Variants in TFCP2 observed in about 807,000 individuals in gnomAD.
The protein encoded by TFCP2 is transcription factor CP2.
Under a neutral mutation model 73.4 loss-of-function variants are expected in TFCP2, and 33 were observed. That is an observed-to-expected ratio of 0.45 (90% CI 0.34 to 0.60). TFCP2 has a LOEUF of 0.60. Among genes scored for constraint, TFCP2 ranks in the 20% least tolerant of loss-of-function variants. TFCP2 has a pLI of 0.01. For synonymous variants in TFCP2, 193 were observed against 211.6 expected (o/e 0.91, Z 0.76); for missense variants, 352 against 604.0 (o/e 0.58, Z 4.37).
Position 51,172,583 on chromosome 12 carries a change from A to G in TFCP2, c.-161T>C. 1.1e-6 allele frequency: 1 copy of G among 871,210 alleles called. No individual in the cohort carries two copies. The highest frequency in any genetic ancestry group is 1.7e-6 in the Non-Finnish European group (1 of 582,276). The allele number at this position is 871,210 out of a possible 1,614,324, so 54.0% of individuals were successfully genotyped here. A position where few individuals can be genotyped will look rare whatever the true frequency, so the allele number is the denominator to read the frequency against. ...AAGCCCGACCAGCACTGCTCTGTGC[A>G]CAACTAATCTCCCGTACCCTTGGCT... On this transcript the variant is annotated 5_prime_UTR_variant, in exon 1 of 15. Coordinates refer to ENST00000257915, the MANE Select transcript of TFCP2 (RefSeq NM_005653.5).
chr12:51,100,117 G>A (rs1444574203), intron 11 of TFCP2, among the ~76,000 whole-genome samples: 1 of 152,120 alleles, frequency 6.6e-6, no homozygotes, highest in Non-Finnish European at 1.5e-5. Context: ...CTATACCCCA[G>A]TCTTGACTGC....
At chr12:51,140,445 C>CTTTT (rs768526922) in intron 1 of TFCP2, among the ~76,000 whole-genome samples, 813 of 88,008 alleles carry the variant, frequency 9.2e-3, no homozygotes, top group Non-Finnish European at 0.011. Flanking sequence ...TTTTCTTTTT[C>CTTTT]TTTTTTTTTT....
At chr12:51,123,022 G>A (rs1456951667) in intron 1 of TFCP2, among the ~76,000 whole-genome samples, 1 of 152,086 alleles carries the variant, frequency 6.6e-6, no homozygotes, top group East Asian at 1.9e-4. Context: ...AATGTAGGGT[G>A]GTTATTTTTT....
At chr12:51,103,574 C>T in intron 10 of TFCP2, 96 bp downstream of exon 10, 1 of 843,306 alleles carries the variant, frequency 1.2e-6, no homozygotes, top group South Asian at 1.6e-5. Flanking sequence ...CTCTCATACA[C>T]ATATACACAC....
intron 1 of TFCP2, among the ~76,000 whole-genome samples, chr12:51,121,558 C>G (rs568200354): frequency 1.3e-5 from 2 of 150,674 alleles, no homozygotes; most frequent in African/African-American, 2.4e-5. Flanking sequence ...CTCCACCTCC[C>G]GGGTTCAAGT....
At chr12:51,129,624 A>G (rs1345840169) in intron 1 of TFCP2, among the ~76,000 whole-genome samples, 1 of 152,028 alleles carries the variant, frequency 6.6e-6, no homozygotes, top group Non-Finnish European at 1.5e-5. Flanking sequence ...GCTGAAGCAA[A>G]GAAGTCTTTT....
intron 1 of TFCP2, among the ~76,000 whole-genome samples, chr12:51,167,183 T>C (rs1941773287): frequency 6.6e-6 from 1 of 152,138 alleles, no homozygotes. Context: ...AAAAAAAGAA[T>C]AATAAAAGGA....
Position 51,099,660 on chromosome 12 carries a change from A to T in TFCP2, c.1271T>A (p.Phe424Tyr). 1 of 1,614,182 alleles carries T rather than the reference A, an allele frequency of 6.2e-7. No homozygotes were observed. Reference sequence around the variant, plus strand: ...GTGTGTCCAGAACAACCTACCGAAGAAAGTACCATTTGAGTCTCCATCCTC... The same window carrying T: ...GTGTGTCCAGAACAACCTACCGAAGTAAGTACCATTTGAGTCTCCATCCTC... Reference protein sequence around the residue: ...KHEDGDSNGTFFVYHAIYLEE... With the variant: ...KHEDGDSNGTYFVYHAIYLEE... Residue 424 changes from phenylalanine to tyrosine, a missense_variant, in exon 12 of 15, where the codon TTC becomes TAC. Coordinates refer to ENST00000257915, the MANE Select transcript of TFCP2 (RefSeq NM_005653.5).
At position 51,111,006 on chromosome 12, in the gene TFCP2, T is replaced by C. The variant is rs374071935; in HGVS notation, c.458-23A>G. The C allele has an allele frequency of 1.0e-4, 160 of 1,530,060 alleles. 5 individuals are homozygous for C. In the South Asian group the frequency reaches 1.6e-3, roughly 16 times the overall value. 94.8% of individuals were successfully genotyped at this position (1,530,060 alleles called of 1,614,324 possible). A position where few individuals can be genotyped will look rare whatever the true frequency, so the allele number is the denominator to read the frequency against. On this transcript the variant is annotated intron_variant, in intron 4 of 14. Transcript: ENST00000257915. ...TATCTGAGAAACAAAATGGTAATCA[T>C]TGAACAATTTTGAGGGCCACTCAGT...
At chr12:51,140,381 T>C (rs1941160445) in intron 1 of TFCP2, among the ~76,000 whole-genome samples, 1 of 151,332 alleles carries the variant, frequency 6.6e-6, no homozygotes, top group African/African-American at 2.4e-5. Flanking sequence ...CTGAGTAATA[T>C]AGTGAGACTC....
chr12:51,162,532 A>C (rs1941670475), intron 1 of TFCP2, among the ~76,000 whole-genome samples: 1 of 152,200 alleles, frequency 6.6e-6, no homozygotes, highest in Admixed American at 6.5e-5. Flanking sequence ...AACCAACCTA[A>C]TTAATACATG....
At chr12:51,098,423 TGA>T (rs1338528411) in intron 13 of TFCP2, among the ~76,000 whole-genome samples, 1 of 151,944 alleles carries the variant, frequency 6.6e-6, no homozygotes, top group East Asian at 1.9e-4. Context: ...GCCAGGAGTT[TGA>T]GACCAACCTG....
intron 1 of TFCP2, among the ~76,000 whole-genome samples, chr12:51,150,140 G>C (rs1301071321): frequency 6.6e-6 from 1 of 152,134 alleles, no homozygotes; most frequent in Non-Finnish European, 1.5e-5. Context: ...AAGTATGGCT[G>C]AGTGCAGTGG....
At chr12:51,101,470 C>T (rs2136961894) in intron 11 of TFCP2, among the ~76,000 whole-genome samples, 1 of 152,288 alleles carries the variant, frequency 6.6e-6, no homozygotes, top group Middle Eastern at 3.4e-3. Context: ...TAAGTATCCC[C>T]TCCTTGGAGA....
chr12:51,137,486 A>T (rs1941087249), intron 1 of TFCP2, among the ~76,000 whole-genome samples: 1 of 152,162 alleles, frequency 6.6e-6, no homozygotes, highest in African/African-American at 2.4e-5. Context: ...GCAAAGCCCT[A>T]CCTCAGGAGA....
intron 1 of TFCP2, among the ~76,000 whole-genome samples, chr12:51,120,885 G>A (rs1385439275): frequency 2.0e-5 from 3 of 147,608 alleles, no homozygotes; most frequent in African/African-American, 7.5e-5. Context: ...ACTCCAGCCT[G>A]GGCGACATAG....
chr12:51,103,986 T>C (rs536865207), intron 9 of TFCP2, 169 bp downstream of exon 9: 4 of 764,936 alleles, frequency 5.2e-6, no homozygotes, highest in Admixed American at 4.6e-5. Context: ...ACTTGTTTCA[T>C]ATCTTTAGTC....
chr12:51,138,800 G>C (rs987405004), intron 1 of TFCP2, among the ~76,000 whole-genome samples: 1 of 152,010 alleles, frequency 6.6e-6, no homozygotes, highest in African/African-American at 2.4e-5. Context: ...CACCACACCT[G>C]GCTAACTTTC....
At chr12:51,128,392 G>A (rs1362597815) in intron 1 of TFCP2, among the ~76,000 whole-genome samples, 2 of 151,040 alleles carry the variant, frequency 1.3e-5, no homozygotes, top group African/African-American at 2.4e-5. Context: ...CGACTTAATG[G>A]GTGCAGCACA....
Sources: gnomAD v4.1 joint callset for allele counts (sites outside exome capture counted in the v4.1 genomes callset) on GRCh38, gnomAD v4.1.1 for gene constraint, MANE v1.5 for transcripts, NCBI Gene and HGNC (gene_info 2026-07-23, HGNC 2026-07-21) for gene names.